The following ZNF479 variants were observed in gnomAD, a reference collection of about 807,000 sequenced individuals.
ZNF479 encodes the protein KRAB zinc finger protein KR19.
Under a neutral mutation model 14.7 loss-of-function variants are expected in ZNF479, and 15 were observed. The observed-to-expected ratio is 1.02, with a 90% CI of 0.68 to 1.57. The LOEUF (loss-of-function observed/expected upper bound fraction) is 1.57. ZNF479 is among the 40% of genes most tolerant of loss of function. The pLI is 0.00. For missense variants in ZNF479, 506 were observed against 615.1 expected (o/e 0.82, Z 1.88); for synonymous variants, 145 against 211.5 (o/e 0.69, Z 2.73).
At chr7:57,135,876 C>G (rs1424153053), upstream of ZNF479, among the ~76,000 whole-genome samples, 1 of 151,002 alleles carries the variant, frequency 6.6e-6, no homozygotes, top group Non-Finnish European at 1.5e-5. Context: ...CAACAAGCAG[C>G]CACCTAAACT....
chr7:57,133,514 A>G (rs1786522138), upstream of ZNF479, among the ~76,000 whole-genome samples: 1 of 152,198 alleles, frequency 6.6e-6, no homozygotes, highest in Admixed American at 6.5e-5. Context: ...CCTCTGCAGT[A>G]AAATATAAGC....
intron 1 of ZNF479, among the ~76,000 whole-genome samples, chr7:57,129,894 T>G (rs1444140121): frequency 6.6e-6 from 1 of 152,170 alleles, no homozygotes; most frequent in Non-Finnish European, 1.5e-5. Context: ...AATGGCTATT[T>G]TGGAAATAAT....
chr7:57,131,391 T>C (rs542430746), intron 1 of ZNF479, among the ~76,000 whole-genome samples: 4 of 151,880 alleles, frequency 2.6e-5, no homozygotes, highest in African/African-American at 9.7e-5. Context: ...GGTGAAATCC[T>C]GTCTCTACTA....
At position 57,120,340 on chromosome 7, in the gene ZNF479, C is replaced by T. The variant is rs1458798827; in HGVS notation, c.1075G>A (p.Gly359Ser). 6.2e-7 allele frequency: 1 copy of T among 1,612,290 alleles called. No homozygotes were observed. Among genetic ancestry groups the T allele is most frequent in the Non-Finnish European group, 8.5e-7 (1 of 1,178,958 alleles). ...REKPYACEEC[G>S]QAFSLSSNLM... is the part of the protein sequence containing the mutation. ...TTCGAGGATAAGCTAAAGGCTTGGCCACATTCTTCACAGGCATAGGGTTTC... is the reference window on the plus strand; with the variant it reads ...TTCGAGGATAAGCTAAAGGCTTGGCTACATTCTTCACAGGCATAGGGTTTC... The change falls in exon 4 of 4, where the codon GGC becomes AGC. Residue 359 changes from glycine to serine, a missense_variant. Gly to Ser is a moderately conservative substitution (Grantham distance 56). Around this residue, in one of 3 missense-constraint regions of ZNF479, gnomAD observed 420 missense variants for 474.2 expected, o/e 0.89. Coordinates refer to ENST00000319636, the MANE Select transcript of ZNF479 (RefSeq NM_001370129.2).
chr7:57,132,312 G>T lies in ZNF479; in HGVS notation c.13C>A (p.Pro5Thr), dbSNP rs757068665. ...ATTTCTCGGCTTCCAGGGGGTCCTG[G>T]TCTTTTAGCCATAAATCTGCAGATA... MAKR[P>T]GPPGSREMGL... Residue 5 changes from proline to threonine, a missense_variant, in exon 1 of 4, where the codon CCA becomes ACA. Around this residue, in one of 3 missense-constraint regions of ZNF479, gnomAD observed 420 missense variants for 474.2 expected, o/e 0.89. Transcript: ENST00000319636. 1.2e-6 allele frequency: 2 copies of T among 1,614,000 alleles called. No individual in the cohort carries two copies. Among genetic ancestry groups the T allele is most frequent in the Admixed American group, 1.7e-5 (1 of 59,992 alleles).
intron 1 of ZNF479, chr7:57,127,575 G>T (rs1786229191): frequency 9.1e-6 from 9 of 983,866 alleles, no homozygotes; most frequent in Non-Finnish European, 1.1e-5. Flanking sequence ...GCAGAGTCTG[G>T]GTTTTTCCCA....
chr7:57,120,799 T>C lies in ZNF479; in HGVS notation c.616A>G (p.Ile206Val), dbSNP rs1785899228. 1 of 1,612,038 alleles carries C rather than the reference T, an allele frequency of 6.2e-7. No homozygotes were observed. The highest frequency in any genetic ancestry group is 8.5e-7 in the Non-Finnish European group (1 of 1,178,922). ...TTGTAGGACTTCTCCCTAGTATGAA[T>C]TACCTGATGTTGATTTAGGTGTGAA... is the stretch of plus-strand genomic sequence containing the variant. ...MLSHLNQHQV[I>V]HTREKSYKCK... The change falls in exon 4 of 4, where the codon ATT (isoleucine) becomes GTT (valine). Residue 206 changes from isoleucine to valine, a missense_variant. Coordinates refer to ENST00000319636, the MANE Select transcript of ZNF479 (RefSeq NM_001370129.2).
Position 57,119,997 on chromosome 7 carries a change from G to T in ZNF479, c.1418C>A (p.Ala473Asp), listed in dbSNP as rs782114478. 1 of 1,613,282 alleles carries T rather than the reference G, an allele frequency of 6.2e-7. No individual in the cohort carries two copies. Among genetic ancestry groups the T allele is most frequent in the African/African-American group, 1.3e-5 (1 of 74,944 alleles). Reference protein sequence around the residue: ...RPYTCEECGKAFNCSSTLMQH... With the variant: ...RPYTCEECGKDFNCSSTLMQH... ...CATAAGGGTTGAGGAGCAATTAAAG[G>T]CTTTGCCACATTCTTCACATGTGTA... Residue 473 changes from alanine to aspartate, a missense_variant, in exon 4 of 4, where the codon GCC becomes GAC. By Grantham distance (126) the Ala-to-Asp change is moderately radical. This residue lies in a region of ZNF479 where 72 missense variants were observed against 97.6 expected (regional missense o/e 0.74). Transcript: ENST00000319636.
upstream of ZNF479, among the ~76,000 whole-genome samples, chr7:57,133,529 T>A (rs1283957143): frequency 6.6e-6 from 1 of 152,186 alleles, no homozygotes; most frequent in African/African-American, 2.4e-5. Context: ...ATAAGCCACA[T>A]GTAAATTTTG....
upstream of ZNF479, among the ~76,000 whole-genome samples, chr7:57,133,755 A>G (rs1342220820): frequency 4.6e-5 from 7 of 152,108 alleles, no homozygotes; most frequent in South Asian, 4.1e-4. Context: ...AATCTCAGCT[A>G]CTAGGGAGGC....
chr7:57,137,284 C>T (rs1356081618), upstream of ZNF479, among the ~76,000 whole-genome samples: 1 of 152,006 alleles, frequency 6.6e-6, no homozygotes, highest in African/African-American at 2.4e-5. Flanking sequence ...TACAGGCATC[C>T]ACCACTACAC....
At position 57,137,657 on chromosome 7, in the gene ZNF479, T is replaced by C. The variant is rs77391088; in HGVS notation, c.-15+1951A>G. On this transcript the variant is annotated intron_variant, in intron 1 of 4. Coordinates refer to the ZNF479 transcript ENST00000331162. ...CCTTTTCACAGGTGTGATTGTGTCA[T>C]ATAGTTTCACTCAGTATCTGACTGA... Among the ~76,000 whole-genome samples, 604 of 152,364 alleles carry C rather than the reference T, an allele frequency of 4.0e-3. 1 individual carries two copies. The highest frequency in any genetic ancestry group is 7.7e-3 in the Admixed American group (118 of 15,308).
intron 1 of ZNF479, among the ~76,000 whole-genome samples, chr7:57,138,208 C>G (rs1284530388): frequency 6.6e-6 from 1 of 152,152 alleles, no homozygotes; most frequent in Non-Finnish European, 1.5e-5. Context: ...CATATGTGAA[C>G]CCAGCCAGTA....
chr7:57,134,665 C>CTTTTT (rs71053216), upstream of ZNF479, among the ~76,000 whole-genome samples: 66 of 106,502 alleles, frequency 6.2e-4, 2 homozygotes, highest in South Asian at 1.1e-3. Flanking sequence ...TTTCTTCTAT[C>CTTTTT]TTTTTTTTTT....
At position 57,120,660 on chromosome 7, in the gene ZNF479, C is replaced by A. The variant is rs1554400257; in HGVS notation, c.755G>T (p.Trp252Leu). 1 of 1,613,672 alleles carries A rather than the reference C, an allele frequency of 6.2e-7. No homozygotes were observed. Among genetic ancestry groups the A allele is most frequent in the Admixed American group, 1.7e-5 (1 of 59,912 alleles). ...RCEECGKAFSWSANLTRHKRT... is the reference protein window; with the variant it reads ...RCEECGKAFSLSANLTRHKRT... ...CTTATGTCTAGTAAGGTTTGCAGAC[C>A]AGCTAAAGGCTTTGCCACATTCCTC... Residue 252 changes from tryptophan (W) to leucine (L), a missense_variant, in exon 4 of 4, where the codon TGG becomes TTG. Coordinates refer to ENST00000319636, the MANE Select transcript of ZNF479 (RefSeq NM_001370129.2).
At chr7:57,138,087 T>C (rs1413085721) in intron 1 of ZNF479, among the ~76,000 whole-genome samples, 3 of 152,138 alleles carry the variant, frequency 2.0e-5, no homozygotes, top group Non-Finnish European at 4.4e-5. Context: ...AGTAAAAATA[T>C]TGACATATTG....
At chr7:57,132,223 C>T in intron 1 of ZNF479, 63 bp downstream of exon 1, 1 of 1,613,574 alleles carries the variant, frequency 6.2e-7, no homozygotes, top group Non-Finnish European at 8.5e-7. Context: ...CCTGCTACAG[C>T]CACTTTCTGC....
At chr7:57,121,764 CAA>C (rs1173537119) in intron 3 of ZNF479, among the ~76,000 whole-genome samples, 1 of 151,750 alleles carries the variant, frequency 6.6e-6, no homozygotes, top group Non-Finnish European at 1.5e-5. Flanking sequence ...AAATCTCAAA[CAA>C]AGATTACAAT....
chr7:57,130,670 A>C (rs919237408), intron 1 of ZNF479, among the ~76,000 whole-genome samples: 2 of 152,328 alleles, frequency 1.3e-5, no homozygotes, highest in East Asian at 3.9e-4. Context: ...TGAGAGTATA[A>C]ATTTATTTAA....
Sources: gnomAD v4.1 joint callset for allele counts (sites outside exome capture counted in the v4.1 genomes callset) on GRCh38, gnomAD v4.1.1 for gene constraint, gnomAD v4.1.1 regional missense constraint, MANE v1.5 for transcripts, NCBI Gene and HGNC (gene_info 2026-07-23, HGNC 2026-07-21) for gene names.